ROBO1: variants seen among roughly 807,000 people sequenced by gnomAD.
ROBO1 encodes roundabout guidance receptor 1.
In ROBO1, 149 loss-of-function variants were observed where a neutral mutation model predicts 195.9. The ratio of observed to expected loss-of-function variants is 0.76; its 90% CI spans 0.67 to 0.87. ROBO1 has a LOEUF of 0.87. Ranked by LOEUF, ROBO1 falls within the 40% of genes least tolerant of loss-of-function variation. The pLI is 0.00. For synonymous variants in ROBO1, 816 were observed against 733.2 expected (o/e 1.11, Z -1.82); for missense variants, 1,933 against 2,068.3 (o/e 0.93, Z 1.27).
At chr3:78,752,134 T>C (rs2082811809) in intron 4 of ROBO1, among the ~76,000 whole-genome samples, 1 of 151,704 alleles carries the variant, frequency 6.6e-6, no homozygotes, top group South Asian at 2.1e-4. Context: ...CCATGTACCA[T>C]TTTAATTGTT....
At chr3:78,938,188 G>T (rs914614674) in intron 4 of ROBO1, 12 of 163,380 alleles carry the variant, frequency 7.3e-5, no homozygotes, top group African/African-American at 2.9e-4. Context: ...ACTTAGTTTG[G>T]ACACCCAATG....
At chr3:78,635,736 T>C (rs750510856) in intron 23 of ROBO1, 37 bp downstream of exon 23, 7 of 1,572,400 alleles carry the variant, frequency 4.5e-6, no homozygotes, top group Non-Finnish European at 5.2e-6. Context: ...GAGAGTATCA[T>C]ACAGAAACAG....
At chr3:79,254,004 C>A (rs564273893) in intron 2 of ROBO1, among the ~76,000 whole-genome samples, 3 of 152,086 alleles carry the variant, frequency 2.0e-5, no homozygotes, top group Non-Finnish European at 4.4e-5. Context: ...CTTATCCACC[C>A]GGCAAGAAGG....
At chr3:78,877,502 G>GA (rs111645529) in intron 4 of ROBO1, among the ~76,000 whole-genome samples, 2,151 of 151,262 alleles carry the variant, frequency 0.014, 61 homozygotes, top group African/African-American at 0.045. Flanking sequence ...ATTTCAAAAA[G>GA]AAAAAAAATC....
chr3:78,945,016 C>T (rs2040347164), intron 3 of ROBO1, among the ~76,000 whole-genome samples: 2 of 152,284 alleles, frequency 1.3e-5, no homozygotes, highest in Admixed American at 6.5e-5. Flanking sequence ...GACAAAGCTA[C>T]CGGGAAGCTC....
At chr3:78,896,680 A>AAG (rs57325873) in intron 4 of ROBO1, among the ~76,000 whole-genome samples, 2 of 150,406 alleles carry the variant, frequency 1.3e-5, no homozygotes, top group African/African-American at 2.4e-5. Context: ...AAAAAAAAAA[A>AAG]GAAGAGTTAT....
intron 2 of ROBO1, among the ~76,000 whole-genome samples, chr3:79,258,381 G>T (rs963223814): frequency 6.6e-6 from 1 of 152,140 alleles, no homozygotes; most frequent in Admixed American, 6.5e-5. Flanking sequence ...ATGAAAATAT[G>T]TCTGTGATAA....
At chr3:78,799,380 C>T (rs1004669854) in intron 4 of ROBO1, among the ~76,000 whole-genome samples, 14 of 151,790 alleles carry the variant, frequency 9.2e-5, no homozygotes, top group Middle Eastern at 3.4e-3. Context: ...CTCGCTCTGT[C>T]GCCCAGGCTG....
At chr3:78,732,509 T>C (rs2082307602) in intron 5 of ROBO1, among the ~76,000 whole-genome samples, 1 of 152,176 alleles carries the variant, frequency 6.6e-6, no homozygotes, top group South Asian at 2.1e-4. Context: ...TGAAGAAGAA[T>C]GCCTCTTCTC....
chr3:79,607,602 G>GT (rs58634211), intron 1 of ROBO1, among the ~76,000 whole-genome samples: 132,535 of 147,678 alleles, frequency 0.9, 59,453 homozygotes, highest in East Asian at 0.99. Flanking sequence ...GTATTTCCAA[G>GT]TTTTTTTTTT....
chr3:79,450,124 GAA>G, intron 2 of ROBO1, among the ~76,000 whole-genome samples: 1 of 101,566 alleles, frequency 9.8e-6, no homozygotes, highest in East Asian at 3.2e-4. Context: ...GAAAAAAAAT[GAA>G]AAAAAAAAAA....
intron 1 of ROBO1, among the ~76,000 whole-genome samples, chr3:79,738,800 T>TC (rs1159974282): frequency 2.0e-5 from 3 of 152,126 alleles, no homozygotes; most frequent in Non-Finnish European, 4.4e-5. Flanking sequence ...TTGTAAGCAA[T>TC]CCCCGGCAGA....
At chr3:79,502,633 C>T (rs60487146) in intron 2 of ROBO1, among the ~76,000 whole-genome samples, 2 of 151,956 alleles carry the variant, frequency 1.3e-5, no homozygotes, top group African/African-American at 4.8e-5. Context: ...TGGCGGGTAG[C>T]TCCACCTGCC....
intron 1 of ROBO1, among the ~76,000 whole-genome samples, chr3:79,629,680 T>C (rs999337165): frequency 6.6e-6 from 1 of 151,644 alleles, no homozygotes; most frequent in Admixed American, 6.6e-5. Flanking sequence ...AAAAAGATTA[T>C]ACAAAGAATA....
At chr3:79,557,170 T>C (rs1284384512) in intron 2 of ROBO1, among the ~76,000 whole-genome samples, 1 of 151,988 alleles carries the variant, frequency 6.6e-6, no homozygotes, top group Admixed American at 6.6e-5. Flanking sequence ...AAATTAATCT[T>C]AAAGCTTAGT....
chr3:78,906,700 A>G (rs2037943129), intron 4 of ROBO1, among the ~76,000 whole-genome samples: 1 of 140,112 alleles, frequency 7.1e-6, no homozygotes, highest in South Asian at 2.2e-4. Context: ...TGAGGACCCC[A>G]AAGTTCTTTT....
At chr3:79,734,978 A>T (rs3923526) in intron 1 of ROBO1, among the ~76,000 whole-genome samples, 38,148 of 152,140 alleles carry the variant, frequency 0.25, 5,539 homozygotes, top group African/African-American at 0.4. Flanking sequence ...TTTGAGAGCC[A>T]GTGCTCTGAA....
At chr3:79,550,152 G>A (rs13065528) in intron 2 of ROBO1, among the ~76,000 whole-genome samples, 18 of 91,106 alleles carry the variant, frequency 2.0e-4, no homozygotes, top group East Asian at 1.2e-3. Flanking sequence ...AAAAAGAAAG[G>A]AAGAAAGAAA....
At chr3:78,800,257 A>G (rs1282730959) in intron 4 of ROBO1, among the ~76,000 whole-genome samples, 1 of 152,206 alleles carries the variant, frequency 6.6e-6, no homozygotes, top group East Asian at 1.9e-4. Context: ...ACGAAAAAAT[A>G]ACAACAAGAT....
Sources: allele counts gnomAD v4.1 joint callset (sites outside exome capture counted in the v4.1 genomes callset), GRCh38; gene constraint gnomAD v4.1.1; transcripts MANE v1.5; gene names NCBI Gene and HGNC (gene_info 2026-07-23, HGNC 2026-07-21).